The following PREX1 variants were observed in gnomAD, a reference collection of about 807,000 sequenced individuals.
The protein encoded by PREX1 is phosphatidylinositol 3,4,5-trisphosphate-dependent Rac exchanger 1 protein.
A neutral mutation model predicts 198.3 loss-of-function variants in PREX1; 41 were observed. That is an observed-to-expected ratio of 0.21 (90% CI 0.16 to 0.27). PREX1 has a LOEUF of 0.27. Ranked by LOEUF, PREX1 falls within the 10% of genes least tolerant of loss-of-function variation. The pLI is 1.00. For missense variants in PREX1, 1,620 were observed against 2,200.7 expected (o/e 0.74, Z 5.28); for synonymous variants, 843 against 887.2 (o/e 0.95, Z 0.89).
At chr20:48,652,842 G>A (rs1490476463) in intron 20 of PREX1, 136 bp from the exon 21 acceptor site, 22 of 1,072,688 alleles carry the variant, frequency 2.1e-5, no homozygotes, top group East Asian at 1.6e-4. Flanking sequence ...AGCCCTCACC[G>A]TGCACAGTCT....
intron 13 of PREX1, among the ~76,000 whole-genome samples, chr20:48,678,174 C>A (rs1346588614): frequency 6.6e-6 from 1 of 152,002 alleles, no homozygotes; most frequent in East Asian, 1.9e-4. Context: ...ATTAGCCGGG[C>A]CTGGTGGTAG....
intron 39 of PREX1, 72 bp from the exon 40 acceptor site, chr20:48,625,999 T>C (rs969717516): frequency 3.6e-6 from 5 of 1,403,736 alleles, no homozygotes; most frequent in Middle Eastern, 1.8e-4. Context: ...TTTCCATTTT[T>C]ACCTGAACAT....
At chr20:48,723,774 A>C (rs186318583) in intron 5 of PREX1, among the ~76,000 whole-genome samples, 3 of 152,220 alleles carry the variant, frequency 2.0e-5, no homozygotes, top group Admixed American at 2.0e-4. Flanking sequence ...CACCAGACCA[A>C]ACTCTGGCCC....
chr20:48,775,086 T>G (rs1222330375), intron 1 of PREX1, among the ~76,000 whole-genome samples: 1 of 152,174 alleles, frequency 6.6e-6, no homozygotes, highest in Admixed American at 6.5e-5. Flanking sequence ...CCGCACACGC[T>G]GCTCCTGCAT....
chr20:48,746,981 CA>C (rs1296814383), intron 2 of PREX1, among the ~76,000 whole-genome samples: 7 of 148,682 alleles, frequency 4.7e-5, no homozygotes, highest in South Asian at 2.2e-4. Context: ...CACACACACA[CA>C]CACACACACA....
chr20:48,814,593 C>G (rs1052374359), intron 1 of PREX1, among the ~76,000 whole-genome samples: 2 of 152,098 alleles, frequency 1.3e-5, no homozygotes, highest in Non-Finnish European at 2.9e-5. Context: ...ACAGAATGAA[C>G]AAGGCGGGGA....
rs1201994024 is a variant in PREX1, at chr20:48,827,434, C to G, written c.219+208G>C. Reference sequence around the variant, plus strand: ...GGGGAAGTGGAGTGCGGGAGAGCCCCGGTCGGAGCAGGACCGTGCGCCGGC... The same window carrying G: ...GGGGAAGTGGAGTGCGGGAGAGCCCGGGTCGGAGCAGGACCGTGCGCCGGC... On this transcript the variant is annotated intron_variant, in intron 1 of 39. Coordinates refer to ENST00000371941, the MANE Select transcript of PREX1 (RefSeq NM_020820.4). This position sits in a 1 kb window ranked among gnomAD's most constrained non-coding sequence, Gnocchi z 4.1. 3.9e-5 allele frequency among the ~76,000 whole-genome samples: 6 copies of G among 152,132 alleles called. No individual in the cohort carries two copies. Among genetic ancestry groups the G allele is most frequent in the Admixed American group, 6.5e-5 (1 of 15,276 alleles).
At chr20:48,715,341 G>A (rs2089957148) in intron 5 of PREX1, among the ~76,000 whole-genome samples, 1 of 152,092 alleles carries the variant, frequency 6.6e-6, no homozygotes, top group South Asian at 2.1e-4. Context: ...CAAGAGAGAG[G>A]GCTACCTTGT....
At chr20:48,692,463 A>T (rs2089824211) in intron 8 of PREX1, 4 of 470,514 alleles carry the variant, frequency 8.5e-6, no homozygotes, top group Non-Finnish European at 7.7e-6. Context: ...CATTGCAAGG[A>T]GGAAGGATTT....
At chr20:48,784,800 G>A (rs567890907) in intron 1 of PREX1, among the ~76,000 whole-genome samples, 1 of 152,318 alleles carries the variant, frequency 6.6e-6, no homozygotes, top group Non-Finnish European at 1.5e-5. Context: ...CCACTGGCTG[G>A]ACAGAAGCAG....
At chr20:48,704,886 C>CT (rs1318450207) in intron 6 of PREX1, among the ~76,000 whole-genome samples, 1 of 152,166 alleles carries the variant, frequency 6.6e-6, no homozygotes, top group South Asian at 2.1e-4. Flanking sequence ...TACACATTTC[C>CT]TTTTTTATCA....
At chr20:48,698,077 A>G (rs2089855991) in intron 7 of PREX1, among the ~76,000 whole-genome samples, 1 of 152,206 alleles carries the variant, frequency 6.6e-6, no homozygotes, top group African/African-American at 2.4e-5. Flanking sequence ...CTCTCCATCC[A>G]GAGGCAGGAA....
intron 2 of PREX1, among the ~76,000 whole-genome samples, chr20:48,745,400 A>C (rs1413593290): frequency 6.6e-6 from 1 of 152,246 alleles, no homozygotes; most frequent in African/African-American, 2.4e-5. Context: ...TCTAATCCCC[A>C]CTGTAAATCT....
chr20:48,644,180 A>G (rs1403894161), intron 27 of PREX1, among the ~76,000 whole-genome samples: 3 of 152,206 alleles, frequency 2.0e-5, no homozygotes, highest in African/African-American at 7.2e-5. Context: ...CAGCTCTAAG[A>G]GGGCGGAGAT....
chr20:48,729,531 T>A (rs1026678147), intron 4 of PREX1, among the ~76,000 whole-genome samples: 1 of 152,100 alleles, frequency 6.6e-6, no homozygotes, highest in East Asian at 1.9e-4. Context: ...CAAAAGGGAA[T>A]GTTTATTTCC....
intron 3 of PREX1, among the ~76,000 whole-genome samples, chr20:48,740,022 A>G (rs189495277): frequency 1.6e-4 from 24 of 152,288 alleles, no homozygotes; most frequent in Non-Finnish European, 2.6e-4. Context: ...TTTTGGGGAA[A>G]GGGGGTGAGG....
intron 1 of PREX1, among the ~76,000 whole-genome samples, chr20:48,751,560 C>T (rs556838194): frequency 2.0e-5 from 3 of 152,318 alleles, no homozygotes; most frequent in South Asian, 4.1e-4. Flanking sequence ...GCCCAAGGCA[C>T]GACTGGCTTT....
At chr20:48,777,469 C>T (rs911958804) in intron 1 of PREX1, among the ~76,000 whole-genome samples, 2 of 152,118 alleles carry the variant, frequency 1.3e-5, no homozygotes, top group Middle Eastern at 3.2e-3. Context: ...TGCCTACAGA[C>T]AGGGCCTCCG....
At chr20:48,718,298 G>A (rs74779125) in intron 5 of PREX1, among the ~76,000 whole-genome samples, 80 of 152,280 alleles carry the variant, frequency 5.3e-4, no homozygotes, top group Non-Finnish European at 8.4e-4. Flanking sequence ...TAGAGAAAAG[G>A]GTAAAATGGT....
Sources: allele counts gnomAD v4.1 joint callset (sites outside exome capture counted in the v4.1 genomes callset), GRCh38; gene constraint gnomAD v4.1.1; non-coding constraint Gnocchi (gnomAD v3.1); transcripts MANE v1.5; gene names NCBI Gene and HGNC (gene_info 2026-07-23, HGNC 2026-07-21).